FGGY: variants seen among roughly 807,000 people sequenced by gnomAD.
FGGY encodes the protein FGGY carbohydrate kinase domain containing, also known as FGGY carbohydrate kinase domain-containing protein.
A neutral mutation model predicts 71.3 loss-of-function variants in FGGY; 72 were observed. The ratio of observed to expected loss-of-function variants is 1.01; its 90% CI spans 0.84 to 1.23. The LOEUF (loss-of-function observed/expected upper bound fraction) is 1.23, where lower values mean the gene tolerates loss of function less well. FGGY is among the 50% of genes most tolerant of loss of function. The probability of loss-of-function intolerance (pLI) is 0.00; values close to 1 mark genes in which losing one functional copy is unlikely to be tolerated. For synonymous variants in FGGY, 251 were observed against 250.3 expected (o/e 1.00, Z -0.02); for missense variants, 668 against 682.3 (o/e 0.98, Z 0.23).
chr1:59,477,556 C>A (rs983703811), intron 6 of FGGY, among the ~76,000 whole-genome samples: 2 of 152,182 alleles, frequency 1.3e-5, no homozygotes, highest in Non-Finnish European at 2.9e-5. Context: ...TGCTACCCAT[C>A]TGTTCTTGTG....
intron 14 of FGGY, among the ~76,000 whole-genome samples, chr1:59,698,160 C>T (rs144123444): frequency 1.3e-5 from 2 of 152,106 alleles, no homozygotes; most frequent in East Asian, 3.9e-4. Flanking sequence ...ATTTTGGCCT[C>T]TCTGAGATGT....
At chr1:59,615,449 A>G (rs948871636) in intron 9 of FGGY, among the ~76,000 whole-genome samples, 47 of 152,216 alleles carry the variant, frequency 3.1e-4, no homozygotes, top group African/African-American at 1.1e-3. Flanking sequence ...CCATATGGAG[A>G]AAGCTGAAAC....
intron 8 of FGGY, among the ~76,000 whole-genome samples, chr1:59,600,917 A>G (rs924884550): frequency 5.3e-5 from 8 of 151,888 alleles, no homozygotes; most frequent in Non-Finnish European, 4.4e-5. Context: ...TTACAATTCA[A>G]TCTGAGAAAT....
At chr1:59,385,617 T>C (rs933021385) in intron 5 of FGGY, among the ~76,000 whole-genome samples, 2 of 144,940 alleles carry the variant, frequency 1.4e-5, no homozygotes, top group African/African-American at 4.9e-5. Flanking sequence ...AATTTTTTAG[T>C]AGTCAGAAAA....
At chr1:59,653,810 G>A (rs1411822362) in intron 11 of FGGY, among the ~76,000 whole-genome samples, 4 of 152,154 alleles carry the variant, frequency 2.6e-5, no homozygotes, top group African/African-American at 7.2e-5. Context: ...GCAATGATGG[G>A]TCAAATCTTT....
intron 15 of FGGY, among the ~76,000 whole-genome samples, chr1:59,759,695 G>T (rs1387623972): frequency 1.3e-5 from 2 of 152,182 alleles, no homozygotes; most frequent in Non-Finnish European, 1.5e-5. Context: ...TTCCTTCTGA[G>T]CCAACCTCAT....
At position 59,744,067 on chromosome 1, in the gene FGGY, AAAT is replaced by A. The variant is rs71046340; in HGVS notation, c.1513-13861_1513-13859del. On this transcript the variant is annotated intron_variant, in intron 14 of 15. Coordinates refer to ENST00000303721, the MANE Select transcript of FGGY (RefSeq NM_018291.5). ...ATTGATGTAATAATTTTTAGAATAAAAATAACTCACATTTTTGAAACTATTAGT... is the reference window on the plus strand; with the variant it reads ...ATTGATGTAATAATTTTTAGAATAAAAACTCACATTTTTGAAACTATTAGT... 9.6e-3 allele frequency among the ~76,000 whole-genome samples: 1,457 copies of A among 152,372 alleles called. 12 individuals carry two copies. Among genetic ancestry groups the A allele is most frequent in the East Asian group, 0.045 (234 of 5,188 alleles).
intron 1 of FGGY, among the ~76,000 whole-genome samples, chr1:59,307,986 A>G (rs1329453722): frequency 6.6e-6 from 1 of 152,184 alleles, no homozygotes; most frequent in Non-Finnish European, 1.5e-5. Context: ...TGTTGCATCC[A>G]GGGGGTCTCC....
At chr1:59,462,179 A>G (rs1572443980) in intron 6 of FGGY, among the ~76,000 whole-genome samples, 1 of 152,178 alleles carries the variant, frequency 6.6e-6, no homozygotes, top group Non-Finnish European at 1.5e-5. Flanking sequence ...CTGATCTTTG[A>G]CAAACCTGAG....
intron 5 of FGGY, among the ~76,000 whole-genome samples, chr1:59,386,790 T>G (rs2060122836): frequency 6.6e-6 from 1 of 152,228 alleles, no homozygotes; most frequent in South Asian, 2.1e-4. Flanking sequence ...GTTTACTGGT[T>G]AAATGTTAGA....
intron 13 of FGGY, among the ~76,000 whole-genome samples, chr1:59,668,123 G>C (rs1178155344): frequency 6.6e-6 from 1 of 152,208 alleles, no homozygotes; most frequent in Non-Finnish European, 1.5e-5. Flanking sequence ...TGAGCTCTTT[G>C]TGATATCAGC....
chr1:59,578,455 TAGA>T (rs2096124918), intron 8 of FGGY, among the ~76,000 whole-genome samples: 1 of 151,880 alleles, frequency 6.6e-6, no homozygotes, highest in Non-Finnish European at 1.5e-5. Context: ...CAGGAAAAAG[TAGA>T]AGGAGGAGAG....
rs749198626 is a variant in FGGY at position 59,457,056 on chromosome 1, C to A, written c.650C>A (p.Ala217Glu). ...ATGATTGGTTTGGAAGACTTTGTTGCAGATAATTACAGCAAAATAGGTAAA... is the reference window on the plus strand; with the variant it reads ...ATGATTGGTTTGGAAGACTTTGTTGAAGATAATTACAGCAAAATAGGTAAA... ...WKMIGLEDFV[A>E]DNYSKIGNQV... The change falls in exon 6 of 16, where the codon GCA becomes GAA. Residue 217 changes from alanine to glutamate, a missense_variant. By Grantham distance (107) the Ala-to-Glu change is moderately radical. Transcript: ENST00000303721. 8 of 1,612,654 alleles carry A rather than the reference C, an allele frequency of 5.0e-6. No homozygotes were observed. In the Admixed American group the frequency reaches 1.3e-4, roughly 27 times the overall value.
chr1:59,326,908 T>C (rs2047538592), intron 2 of FGGY, among the ~76,000 whole-genome samples: 1 of 152,252 alleles, frequency 6.6e-6, no homozygotes, highest in Non-Finnish European at 1.5e-5. Context: ...GTTTACATTA[T>C]ATTGCAGTCT....
intron 6 of FGGY, among the ~76,000 whole-genome samples, chr1:59,488,651 G>A (rs1041905699): frequency 4.7e-5 from 7 of 150,394 alleles, no homozygotes; most frequent in African/African-American, 1.5e-4. Flanking sequence ...TTATATGCAT[G>A]TTGTTAAAAC....
chr1:59,465,235 AC>A (rs1195947083), intron 6 of FGGY, among the ~76,000 whole-genome samples: 1 of 152,218 alleles, frequency 6.6e-6, no homozygotes, highest in Non-Finnish European at 1.5e-5. Flanking sequence ...ATAATCCATC[AC>A]ATAAACAGAA....
In FGGY at chr1:59,583,930, G is replaced by A. The variant is rs565855746; in HGVS notation, c.904-23873G>A. On this transcript the variant is annotated intron_variant, in intron 8 of 15. Coordinates refer to ENST00000303721, the MANE Select transcript of FGGY (RefSeq NM_018291.5). Reference sequence around the variant, plus strand: ...GCTGACAGCTAACCACTGCTGCTCGGAAGTGTCGACGGCTCACCACTTATG... The same window carrying A: ...GCTGACAGCTAACCACTGCTGCTCGAAAGTGTCGACGGCTCACCACTTATG... Among the ~76,000 whole-genome samples the A allele has an allele frequency of 8.6e-5, 10 of 116,380 alleles. 3 individuals carry two copies. In the East Asian group the frequency reaches 1.3e-3, roughly 16 times the overall value. The allele number at this position is 116,380 out of a possible 152,430, so 76.3% of individuals were successfully genotyped here.
At chr1:59,403,347 C>G (rs1457530406) in intron 5 of FGGY, among the ~76,000 whole-genome samples, 2 of 152,138 alleles carry the variant, frequency 1.3e-5, no homozygotes, top group Non-Finnish European at 2.9e-5. Flanking sequence ...CATTTCTTTA[C>G]TCCTCACATA....
chr1:59,419,531 C>T (rs936553857), intron 5 of FGGY, among the ~76,000 whole-genome samples: 3 of 152,068 alleles, frequency 2.0e-5, no homozygotes, highest in Non-Finnish European at 4.4e-5. Context: ...AGAACTGGTT[C>T]CAAGTATTCA....
Sources: allele counts gnomAD v4.1 joint callset (sites outside exome capture counted in the v4.1 genomes callset), GRCh38; gene constraint gnomAD v4.1.1; transcripts MANE v1.5; gene names NCBI Gene and HGNC (gene_info 2026-07-23, HGNC 2026-07-21).